DENND1A: variants seen among roughly 807,000 people sequenced by gnomAD.
The protein encoded by DENND1A is DENN domain containing 1A.
Under a neutral mutation model 113.7 loss-of-function variants are expected in DENND1A, and 51 were observed. The ratio of observed to expected loss-of-function variants is 0.45; its 90% confidence interval spans 0.36 to 0.57. The LOEUF (loss-of-function observed/expected upper bound fraction) is 0.57, where lower values mean the gene tolerates loss of function less well. Ranked by LOEUF, DENND1A falls within the 20% of genes least tolerant of loss-of-function variation. DENND1A has a pLI of 0.00. For missense variants in DENND1A, 1,258 were observed against 1,395.9 expected, an observed-to-expected ratio of 0.90 and a Z score of 1.57; for synonymous variants, 565 against 570.8, an observed-to-expected ratio of 0.99 and a Z score of 0.14.
intron 9 of DENND1A, among the ~76,000 whole-genome samples, chr9:123,638,296 T>C (rs2061826880): frequency 6.6e-6 from 1 of 152,082 alleles, no homozygotes; most frequent in Non-Finnish European, 1.5e-5. Flanking sequence ...AGGAAAGAGC[T>C]TTCTTTCCTC....
intron 5 of DENND1A, among the ~76,000 whole-genome samples, chr9:123,735,903 G>T (rs1263547760): frequency 2.0e-5 from 3 of 152,178 alleles, no homozygotes; most frequent in Non-Finnish European, 2.9e-5. Context: ...GGAGGCTGTG[G>T]TGGGAGAATT....
chr9:123,573,700 C>T (rs1031195220), intron 12 of DENND1A, among the ~76,000 whole-genome samples: 8 of 152,118 alleles, frequency 5.3e-5, no homozygotes, highest in South Asian at 2.1e-4. Context: ...TCCATATACA[C>T]GATCAAGTTG....
chr9:123,519,943 T>G (rs1050679253), intron 13 of DENND1A, among the ~76,000 whole-genome samples: 2 of 151,890 alleles, frequency 1.3e-5, no homozygotes, highest in Admixed American at 6.6e-5. Context: ...GTGGATTACT[T>G]GAGCCCTGGA....
At chr9:123,777,847 GAATT>G (rs1482454989) in intron 3 of DENND1A, among the ~76,000 whole-genome samples, 1 of 152,182 alleles carries the variant, frequency 6.6e-6, no homozygotes, top group Non-Finnish European at 1.5e-5. Context: ...TTTTGAGAGA[GAATT>G]ATTTAGCAAT....
chr9:123,620,232 A>AAAAAAAAAAAG lies in DENND1A; in HGVS notation c.719+10143_719+10144insCTTTTTTTTTT, dbSNP rs1554916729. 1.8e-3 allele frequency among the ~76,000 whole-genome samples: 206 copies of AAAAAAAAAAAG among 114,342 alleles called. 4 individuals carry two copies. Among genetic ancestry groups the AAAAAAAAAAAG allele is most frequent in the African/African-American group, 6.3e-3 (168 of 26,814 alleles). The allele number at this position is 114,342 out of a possible 152,430, so 75.0% of individuals were successfully genotyped here. On this transcript the variant is annotated intron_variant, in intron 10 of 23. Transcript: ENST00000394215. The stretch of plus-strand genomic sequence containing the variant: ...CCATCTCAAAAAAAAAAAAAAAAAA[A>AAAAAAAAAAAG]AAAAAAGAAAAGAAAAAGAAAAAAA...
intron 13 of DENND1A, among the ~76,000 whole-genome samples, chr9:123,522,489 A>G (rs1184262299): frequency 6.6e-6 from 1 of 152,236 alleles, no homozygotes; most frequent in East Asian, 1.9e-4. Flanking sequence ...GCAGCCACAC[A>G]TAGTAAAGTG....
chr9:123,774,674 T>C (rs1050634890), intron 3 of DENND1A, among the ~76,000 whole-genome samples: 6 of 152,192 alleles, frequency 3.9e-5, no homozygotes, highest in Non-Finnish European at 7.4e-5. Context: ...CAGAGTCTGC[T>C]TCCTTTCTTT....
chr9:123,393,910 G>C (rs970313631), intron 21 of DENND1A, among the ~76,000 whole-genome samples: 4 of 152,164 alleles, frequency 2.6e-5, no homozygotes, highest in Non-Finnish European at 5.9e-5. Flanking sequence ...CTGGGGACTT[G>C]CTTTGCCGGA....
At chr9:123,415,217 A>G (rs141304001) in intron 19 of DENND1A, among the ~76,000 whole-genome samples, 1 of 152,202 alleles carries the variant, frequency 6.6e-6, no homozygotes, top group Non-Finnish European at 1.5e-5. Flanking sequence ...AGGAAGCCAC[A>G]TTGCCCCTTC....
chr9:123,663,397 A>T (rs1247362079), intron 8 of DENND1A, among the ~76,000 whole-genome samples: 1 of 152,218 alleles, frequency 6.6e-6, no homozygotes, highest in Non-Finnish European at 1.5e-5. Flanking sequence ...AATATTTTTA[A>T]ACCTTTAATT....
rs1409013521 is a variant in DENND1A, at chr9:123,590,745, C to T, written c.766-7475G>A. Among the ~76,000 whole-genome samples, 6 of 152,044 alleles carry T rather than the reference C, an allele frequency of 3.9e-5. No individual in the cohort carries two copies. In the East Asian group the frequency reaches 7.7e-4, roughly 20 times the overall value. ...AAATGGATGGGTTGTGATAAATATACCCCAATGAAGGTATTCATTGAACCA... is the reference window on the plus strand; with the variant it reads ...AAATGGATGGGTTGTGATAAATATATCCCAATGAAGGTATTCATTGAACCA... On this transcript the variant is annotated intron_variant, in intron 11 of 23. Coordinates refer to ENST00000394215, the MANE Select transcript of DENND1A (RefSeq NM_001352964.2).
chr9:123,413,490 A>G (rs1219898278), intron 19 of DENND1A: 8 of 985,188 alleles, frequency 8.1e-6, no homozygotes, highest in Non-Finnish European at 9.6e-6. Flanking sequence ...TGTTTTCTGA[A>G]CCTGCCCCAC....
chr9:123,478,191 A>G (rs1022372852), intron 13 of DENND1A, among the ~76,000 whole-genome samples: 2 of 152,246 alleles, frequency 1.3e-5, no homozygotes, highest in Non-Finnish European at 2.9e-5. Flanking sequence ...CTGAACCCAG[A>G]TAACCAAACT....
chr9:123,646,712 T>C (rs1321210917), intron 9 of DENND1A, among the ~76,000 whole-genome samples: 2 of 152,178 alleles, frequency 1.3e-5, no homozygotes, highest in African/African-American at 2.4e-5. Context: ...CGAGGACCTA[T>C]GATACTAGAA....
chr9:123,641,100 CAA>C (rs2062003021), intron 9 of DENND1A, among the ~76,000 whole-genome samples: 2 of 152,282 alleles, frequency 1.3e-5, no homozygotes, highest in East Asian at 3.9e-4. Flanking sequence ...CTTGGTTCAC[CAA>C]AGTGACCACA....
At chr9:123,718,713 T>A (rs1329117992) in intron 5 of DENND1A, among the ~76,000 whole-genome samples, 1 of 152,196 alleles carries the variant, frequency 6.6e-6, no homozygotes, top group African/African-American at 2.4e-5. Flanking sequence ...AATTTGGGAC[T>A]CAAACTGAAC....
chr9:123,488,282 C>T (rs1410461688), intron 13 of DENND1A, among the ~76,000 whole-genome samples: 2 of 152,204 alleles, frequency 1.3e-5, no homozygotes, highest in Admixed American at 1.3e-4. Context: ...CTCTTGTTCT[C>T]CCTGGAGGGA....
At chr9:123,630,570 T>C (rs1389127967) in intron 9 of DENND1A, 94 bp from the exon 10 acceptor site, 5 of 793,260 alleles carry the variant, frequency 6.3e-6, no homozygotes, top group Non-Finnish European at 9.0e-6. Flanking sequence ...TTCTTCAATA[T>C]GTTTACATGA....
chr9:123,718,044 GTA>G (rs780049039), intron 5 of DENND1A, among the ~76,000 whole-genome samples: 10 of 152,214 alleles, frequency 6.6e-5, no homozygotes, highest in Non-Finnish European at 1.2e-4. Context: ...CTTGCTGGGT[GTA>G]TGTTATGTCT....
Sources: allele counts gnomAD v4.1 joint callset (sites outside exome capture counted in the v4.1 genomes callset), GRCh38; gene constraint gnomAD v4.1.1; transcripts MANE v1.5; gene names NCBI Gene and HGNC (gene_info 2026-07-23, HGNC 2026-07-21).